SNX30: variants seen among roughly 807,000 people sequenced by gnomAD.
SNX30 encodes sorting nexin-30.
A neutral mutation model predicts 46.4 loss-of-function variants in SNX30; 24 were observed. The ratio of observed to expected loss-of-function variants is 0.52; its 90% CI spans 0.37 to 0.73. SNX30 has a LOEUF of 0.73. SNX30 is among the 30% of genes least tolerant of loss of function. The pLI, the probability that SNX30 is intolerant of heterozygous loss-of-function variation, is 0.00. For missense variants in SNX30, 533 were observed against 555.7 expected (o/e 0.96, Z 0.41); for synonymous variants, 189 against 211.5 (o/e 0.89, Z 0.92).
chr9:112,818,235 T>C, intron 3 of SNX30, among the ~76,000 whole-genome samples: 1 of 147,526 alleles, frequency 6.8e-6, no homozygotes, highest in Non-Finnish European at 1.5e-5. Context: ...AGAGTCGCAC[T>C]CTCTTGCCCA....
At chr9:112,821,954 T>C (rs1355207136) in intron 3 of SNX30, among the ~76,000 whole-genome samples, 1 of 152,148 alleles carries the variant, frequency 6.6e-6, no homozygotes, top group Non-Finnish European at 1.5e-5. Flanking sequence ...TTTTTAATTT[T>C]TTTTTGTAGA....
intron 1 of SNX30, among the ~76,000 whole-genome samples, chr9:112,770,407 G>A (rs1187030274): frequency 6.6e-6 from 1 of 151,894 alleles, no homozygotes; most frequent in Non-Finnish European, 1.5e-5. Context: ...TCCCGACCTT[G>A]TGATCTGCCC....
At chr9:112,781,138 A>G (rs751355914) in intron 1 of SNX30, among the ~76,000 whole-genome samples, 3 of 152,210 alleles carry the variant, frequency 2.0e-5, no homozygotes, top group Non-Finnish European at 4.4e-5. Flanking sequence ...AGTAGAAACA[A>G]TGTGGCTTTG....
chr9:112,856,104 A>T (rs1008285093), intron 7 of SNX30, among the ~76,000 whole-genome samples: 3 of 152,138 alleles, frequency 2.0e-5, no homozygotes, highest in Non-Finnish European at 4.4e-5. Context: ...AAGAACAAAG[A>T]AGGGATGCCA....
chr9:112,882,056 C>CT (rs370045387), downstream of SNX30, among the ~76,000 whole-genome samples: 8 of 152,186 alleles, frequency 5.3e-5, no homozygotes, highest in African/African-American at 1.9e-4. Flanking sequence ...GCCAGGCCAG[C>CT]TTATGCAGGG....
At chr9:112,826,538 A>C (rs1186741407) in intron 3 of SNX30, among the ~76,000 whole-genome samples, 1 of 152,212 alleles carries the variant, frequency 6.6e-6, no homozygotes, top group Non-Finnish European at 1.5e-5. Context: ...GATACAGGGA[A>C]GAGATTAATG....
At chr9:112,796,395 C>G (rs994575623) in intron 1 of SNX30, among the ~76,000 whole-genome samples, 3 of 152,140 alleles carry the variant, frequency 2.0e-5, no homozygotes, top group African/African-American at 7.2e-5. Flanking sequence ...AGATGTTGTC[C>G]CCCTACAAAT....
chr9:112,774,442 ATTATGTAAT>A (rs1839704929), intron 1 of SNX30, among the ~76,000 whole-genome samples: 1 of 152,242 alleles, frequency 6.6e-6, no homozygotes, highest in Non-Finnish European at 1.5e-5. Context: ...GTGCCAATAA[ATTATGTAAT>A]TTAGACAGAA....
At chr9:112,817,895 C>G in intron 3 of SNX30, 80 bp downstream of exon 3, 1 of 903,236 alleles carries the variant, frequency 1.1e-6, no homozygotes, top group African/African-American at 1.6e-5. Flanking sequence ...ACTCTCATCC[C>G]TTAAGTTATA....
chr9:112,829,426 C>T (rs549192269), intron 3 of SNX30, among the ~76,000 whole-genome samples: 1 of 152,300 alleles, frequency 6.6e-6, no homozygotes, highest in East Asian at 1.9e-4. Flanking sequence ...TGCAAGCCAC[C>T]ATGCCCAGCT....
At chr9:112,804,994 G>A (rs377272058) in intron 2 of SNX30, 27 bp downstream of exon 2, 18 of 1,530,484 alleles carry the variant, frequency 1.2e-5, no homozygotes, top group South Asian at 2.6e-5. Context: ...TAGAATGCCC[G>A]TGTTGAGTGG....
In SNX30 at chr9:112,873,583, G is replaced by A. The variant is rs756876119; in HGVS notation, c.*4740G>A. 6.6e-6 allele frequency: 1 copy of A among 152,058 alleles called. No homozygotes were observed. The highest frequency in any genetic ancestry group is 1.9e-4 in the East Asian group (1 of 5,198). The allele number at this position is 152,058 out of a possible 1,614,324, so 9.4% of individuals were successfully genotyped here. A position where few individuals can be genotyped will look rare whatever the true frequency, so the allele number is the denominator to read the frequency against. ...TTTGGGGAGGGGAAAACTAAGGACT[G>A]CTTTTGCCAAATGATATTTTTGATA... On this transcript the variant is annotated 3_prime_UTR_variant, in exon 9 of 9. Coordinates refer to ENST00000374232, the MANE Select transcript of SNX30 (RefSeq NM_001012994.2).
At chr9:112,819,834 G>A (rs1172485698) in intron 3 of SNX30, among the ~76,000 whole-genome samples, 2 of 152,194 alleles carry the variant, frequency 1.3e-5, no homozygotes, top group African/African-American at 4.8e-5. Flanking sequence ...TCCAGGGCAC[G>A]TGCTGTCAAC....
intron 2 of SNX30, among the ~76,000 whole-genome samples, chr9:112,805,515 C>T (rs929467035): frequency 6.6e-6 from 1 of 152,184 alleles, no homozygotes; most frequent in African/African-American, 2.4e-5. Flanking sequence ...GTTGCCCAGG[C>T]TGGAGTGCAG....
At chr9:112,779,926 C>T (rs787298) in intron 1 of SNX30, among the ~76,000 whole-genome samples, 132,796 of 152,180 alleles carry the variant, frequency 0.87, 58,142 homozygotes, top group Middle Eastern at 0.91. Context: ...GGAGCAACGA[C>T]AGGCTGTCAC....
At chr9:112,857,567 CG>C (rs1345244521) in intron 7 of SNX30, among the ~76,000 whole-genome samples, 3 of 152,198 alleles carry the variant, frequency 2.0e-5, no homozygotes, top group Admixed American at 6.5e-5. Context: ...ACAGCAGCCA[CG>C]AGCTCCCCTT....
chr9:112,865,661 A>ATGTGTGTG lies in SNX30; in HGVS notation c.1254+1265_1254+1266insGTGTGTGT, dbSNP rs1277699270. On this transcript the variant is annotated intron_variant, in intron 8 of 8. Coordinates refer to ENST00000374232, the MANE Select transcript of SNX30 (RefSeq NM_001012994.2). ...TATATATATATATATATATATATATATGTATGTATGTATGCACACACACAC... is the reference window on the plus strand; with the variant it reads ...TATATATATATATATATATATATATATGTGTGTGTGTATGTATGTATGCACACACACAC... Among the ~76,000 whole-genome samples the ATGTGTGTG allele has an allele frequency of 4.7e-5, 5 of 105,684 alleles. 1 individual carries two copies. The highest frequency in any genetic ancestry group is 1.9e-4 in the African/African-American group (5 of 26,348). 69.3% of individuals were successfully genotyped at this position (105,684 alleles called of 152,430 possible).
At chr9:112,838,107 G>A (rs972668358) in intron 5 of SNX30, among the ~76,000 whole-genome samples, 2 of 151,326 alleles carry the variant, frequency 1.3e-5, no homozygotes, top group Admixed American at 1.3e-4. Flanking sequence ...TAGCAGGATG[G>A]TCTCGATCTC....
chr9:112,885,436 A>ATATG (rs1554759741), downstream of SNX30: 1 of 50,602 alleles, frequency 2.0e-5, no homozygotes, highest in African/African-American at 5.8e-5. Flanking sequence ...ATATATATAT[A>ATATG]TGTGTATATA....
Sources: allele counts gnomAD v4.1 joint callset (sites outside exome capture counted in the v4.1 genomes callset), GRCh38; gene constraint gnomAD v4.1.1; transcripts MANE v1.5; gene names NCBI Gene and HGNC (gene_info 2026-07-23, HGNC 2026-07-21).